LDLRAD3: variants seen among roughly 807,000 people sequenced by gnomAD.
LDLRAD3 encodes the protein low density lipoprotein receptor class A domain containing 3.
In LDLRAD3, 20 loss-of-function variants were observed where a neutral mutation model predicts 29.4. The ratio of observed to expected loss-of-function variants is 0.68; its 90% CI spans 0.48 to 0.99. The LOEUF (loss-of-function observed/expected upper bound fraction) is 0.99. Among genes scored for constraint, LDLRAD3 ranks in the 50% least tolerant of loss-of-function variants. The pLI is 0.00. For missense variants in LDLRAD3, 420 were observed against 454.3 expected, an observed-to-expected ratio of 0.92 and a Z score of 0.69; for synonymous variants, 157 against 192.7, an observed-to-expected ratio of 0.81 and a Z score of 1.53.
intron 4 of LDLRAD3, among the ~76,000 whole-genome samples, chr11:36,165,202 T>G (rs1854496834): frequency 6.6e-6 from 1 of 152,240 alleles, no homozygotes; most frequent in Admixed American, 6.5e-5. Context: ...CATGTTGTTA[T>G]AAACTCTTAG....
intron 4 of LDLRAD3, among the ~76,000 whole-genome samples, chr11:36,120,626 T>C (rs1853742747): frequency 6.6e-6 from 1 of 152,172 alleles, no homozygotes; most frequent in Non-Finnish European, 1.5e-5. Context: ...TAATTTGCCC[T>C]GGGTCACTCA....
chr11:36,171,267 T>G (rs919533978), intron 4 of LDLRAD3, among the ~76,000 whole-genome samples: 3 of 152,222 alleles, frequency 2.0e-5, no homozygotes, highest in African/African-American at 7.2e-5. Context: ...CTCTGCTGAT[T>G]GTTTCTTTTG....
At chr11:36,212,209 C>T (rs1855291755) in intron 4 of LDLRAD3, among the ~76,000 whole-genome samples, 1 of 152,148 alleles carries the variant, frequency 6.6e-6, no homozygotes, top group Non-Finnish European at 1.5e-5. Flanking sequence ...AGGCAGATGC[C>T]TCAGAGGTTT....
chr11:35,968,202 T>C, intron 1 of LDLRAD3: 2 of 408,648 alleles, frequency 4.9e-6, no homozygotes, highest in African/African-American at 2.1e-5. Flanking sequence ...GACACTGGAT[T>C]GAAGGAATAA....
intron 4 of LDLRAD3, among the ~76,000 whole-genome samples, chr11:36,162,741 A>G (rs1482269331): frequency 1.3e-5 from 2 of 152,208 alleles, no homozygotes; most frequent in Non-Finnish European, 2.9e-5. Context: ...AGCTTGGCTA[A>G]TGGTGGGCCC....
Position 36,231,299 on chromosome 11 carries a change from AAAAGAAAG to A in LDLRAD3, c.*1918_*1925del, listed in dbSNP as rs571875412. Reference sequence around the variant, plus strand: ...TGGTATTTTGTTTTGTTTAAAAAAAAAAAGAAAGAAAGAAAGAAAGAAAAACGGAAAGG... The same window carrying A: ...TGGTATTTTGTTTTGTTTAAAAAAAAAAAGAAAGAAAGAAAAACGGAAAGG... On this transcript the variant is annotated 3_prime_UTR_variant, in exon 6 of 6. Coordinates refer to ENST00000315571, the MANE Select transcript of LDLRAD3 (RefSeq NM_174902.4). 2.0e-5 allele frequency: 3 copies of A among 152,134 alleles called. No homozygotes were observed. The highest frequency in any genetic ancestry group is 7.2e-5 in the African/African-American group (3 of 41,440). 9.4% of individuals were successfully genotyped at this position (152,134 alleles called of 1,614,324 possible).
intron 4 of LDLRAD3, among the ~76,000 whole-genome samples, chr11:36,214,931 G>A (rs917773800): frequency 2.6e-4 from 40 of 152,322 alleles, no homozygotes; most frequent in Admixed American, 2.3e-3. Flanking sequence ...GCAGAATTCA[G>A]TTCTGCCCTC....
Position 36,229,150 on chromosome 11 carries a change from C to A in LDLRAD3, c.801-10C>A, listed in dbSNP as rs1462583156. The A allele has an allele frequency of 3.7e-6, 6 of 1,600,546 alleles. No individual in the cohort carries two copies. The East Asian group carries it at 1.3e-4, about 36-fold the overall frequency. On this transcript the variant is annotated splice_polypyrimidine_tract_variant and intron_variant, in intron 5 of 5. Transcript: ENST00000315571. ...CCATTGCCCCTGCCCCCCTGCTGTC[C>A]CCATCACAGGCCTGCGTGGTATGAC...
At chr11:36,129,651 A>T (rs752104378) in intron 4 of LDLRAD3, among the ~76,000 whole-genome samples, 11 of 152,204 alleles carry the variant, frequency 7.2e-5, no homozygotes, top group Non-Finnish European at 1.6e-4. Flanking sequence ...AGGCCATGCA[A>T]TTGATCATTG....
chr11:36,108,741 C>T (rs1014464810), intron 4 of LDLRAD3, among the ~76,000 whole-genome samples: 3 of 152,078 alleles, frequency 2.0e-5, no homozygotes, highest in African/African-American at 4.8e-5. Context: ...GGCAGATCCA[C>T]GTGGCTGCCC....
At chr11:35,949,581 CTGTG>C (rs906223562) in intron 1 of LDLRAD3, among the ~76,000 whole-genome samples, 1 of 152,080 alleles carries the variant, frequency 6.6e-6, no homozygotes, top group Non-Finnish European at 1.5e-5. Context: ...TAGCGGCAAG[CTGTG>C]TGTGTGTGTT....
chr11:36,005,371 G>T (rs1851871183), intron 1 of LDLRAD3, among the ~76,000 whole-genome samples: 1 of 152,154 alleles, frequency 6.6e-6, no homozygotes, highest in Admixed American at 6.5e-5. Context: ...TCTAGGGCAG[G>T]GGCAGAATGC....
intron 1 of LDLRAD3, among the ~76,000 whole-genome samples, chr11:35,969,919 C>T (rs1206852690): frequency 6.6e-6 from 1 of 152,168 alleles, no homozygotes; most frequent in Non-Finnish European, 1.5e-5. Flanking sequence ...AGTCTTAATA[C>T]AGCATTAGCC....
intron 5 of LDLRAD3, 101 bp from the exon 6 acceptor site, chr11:36,229,059 A>G (rs1855537302): frequency 3.8e-6 from 3 of 786,216 alleles, no homozygotes; most frequent in Admixed American, 4.3e-5. Context: ...CACTGGAAAC[A>G]CTGTCTCAGA....
At chr11:36,033,381 G>C (rs1358001761) in intron 1 of LDLRAD3, among the ~76,000 whole-genome samples, 1 of 152,176 alleles carries the variant, frequency 6.6e-6, no homozygotes, top group Non-Finnish European at 1.5e-5. Flanking sequence ...ATGGTATTTA[G>C]TCTCTGCATC....
At chr11:36,150,518 A>C (rs1448217816) in intron 4 of LDLRAD3, among the ~76,000 whole-genome samples, 1 of 151,858 alleles carries the variant, frequency 6.6e-6, no homozygotes, top group Non-Finnish European at 1.5e-5. Flanking sequence ...GTAGAGCGAG[A>C]CCTTGTCTCT....
chr11:36,218,972 C>T lies in LDLRAD3; in HGVS notation c.455-8113C>T, dbSNP rs561933281. Reference sequence around the variant, plus strand: ...TATCCATATAACATGAAGAAAAGTACGTGTGTGTACAAGCATAGGGAGCAG... The same window carrying T: ...TATCCATATAACATGAAGAAAAGTATGTGTGTGTACAAGCATAGGGAGCAG... On this transcript the variant is annotated intron_variant, in intron 4 of 5. Coordinates refer to ENST00000315571, the MANE Select transcript of LDLRAD3 (RefSeq NM_174902.4). Among the ~76,000 whole-genome samples the T allele has an allele frequency of 3.3e-5, 5 of 152,280 alleles. No homozygotes were observed. The South Asian group carries it at 8.3e-4, about 25-fold the overall frequency.
intron 4 of LDLRAD3, among the ~76,000 whole-genome samples, chr11:36,223,102 A>T (rs988680475): frequency 1.3e-5 from 2 of 152,180 alleles, no homozygotes; most frequent in Admixed American, 6.5e-5. Flanking sequence ...CTCTTAAGAA[A>T]AGTGGGCCTA....
rs868155682 is a variant in LDLRAD3 at position 35,952,312 on chromosome 11, G to A, written c.46+8168G>A. Reference sequence around the variant, plus strand: ...TATGTGTTGGGAGAAGAATTGCACCGTCTACCTTGTGCTGGAGAATTCCAG... The same window carrying A: ...TATGTGTTGGGAGAAGAATTGCACCATCTACCTTGTGCTGGAGAATTCCAG... On this transcript the variant is annotated intron_variant, in intron 1 of 5. Transcript: ENST00000315571. 1.5e-4 allele frequency among the ~76,000 whole-genome samples: 23 copies of A among 152,258 alleles called. 1 individual carries two copies. Among genetic ancestry groups the A allele is most frequent in the South Asian group, 6.2e-4 (3 of 4,826 alleles).
Sources: gnomAD v4.1 joint callset for allele counts (sites outside exome capture counted in the v4.1 genomes callset) on GRCh38, gnomAD v4.1.1 for gene constraint, MANE v1.5 for transcripts, NCBI Gene and HGNC (gene_info 2026-07-23, HGNC 2026-07-21) for gene names.